The following NPAS3 variants were observed in gnomAD, a reference collection of about 807,000 sequenced individuals.
The protein encoded by NPAS3 is neuronal PAS domain-containing protein 3.
A neutral mutation model predicts 73.1 loss-of-function variants in NPAS3; 14 were observed. The ratio of observed to expected loss-of-function variants is 0.19; its 90% CI spans 0.13 to 0.30. The LOEUF (loss-of-function observed/expected upper bound fraction) is 0.30. Among genes scored for constraint, NPAS3 ranks in the 10% least tolerant of loss-of-function variants. NPAS3 has a pLI of 1.00. For synonymous variants in NPAS3, 620 were observed against 541.5 expected (o/e 1.14, Z -2.01); for missense variants, 1,096 against 1,250.0 (o/e 0.88, Z 1.86).
chr14:33,223,441 T>G (rs2047507465), intron 3 of NPAS3, among the ~76,000 whole-genome samples: 1 of 152,224 alleles, frequency 6.6e-6, no homozygotes, highest in Non-Finnish European at 1.5e-5. Flanking sequence ...GCCTTGGAGA[T>G]ATTTATAATT....
intron 6 of NPAS3, among the ~76,000 whole-genome samples, chr14:33,710,884 G>A (rs1041522455): frequency 6.6e-6 from 1 of 152,206 alleles, no homozygotes; most frequent in Non-Finnish European, 1.5e-5. Context: ...TACATGAGAA[G>A]TATGTAATTT....
intron 6 of NPAS3, among the ~76,000 whole-genome samples, chr14:33,732,524 G>C (rs529762841): frequency 1.3e-5 from 2 of 152,242 alleles, no homozygotes; most frequent in East Asian, 1.9e-4. Flanking sequence ...TATAATAAAC[G>C]TGGCTCCTTA....
At chr14:33,582,733 T>C (rs2139889124) in intron 5 of NPAS3, among the ~76,000 whole-genome samples, 1 of 152,310 alleles carries the variant, frequency 6.6e-6, no homozygotes, top group South Asian at 2.1e-4. Flanking sequence ...ATAAGTCATG[T>C]GACAGAAAAA....
chr14:33,062,220 C>G (rs2041129968), intron 2 of NPAS3, among the ~76,000 whole-genome samples: 1 of 150,270 alleles, frequency 6.7e-6, no homozygotes, highest in East Asian at 2.0e-4. Flanking sequence ...CTCTCCTCTT[C>G]TTTGTTTCAC....
chr14:33,304,247 T>G (rs1274485867), intron 3 of NPAS3, among the ~76,000 whole-genome samples: 2 of 152,232 alleles, frequency 1.3e-5, no homozygotes, highest in Non-Finnish European at 2.9e-5. Context: ...CTATTTGTAA[T>G]AGTCCATGCT....
intron 6 of NPAS3, among the ~76,000 whole-genome samples, chr14:33,710,010 A>T (rs1404645677): frequency 6.6e-6 from 1 of 152,206 alleles, no homozygotes; most frequent in Non-Finnish European, 1.5e-5. Flanking sequence ...CACCAGAGAG[A>T]TGTGTTTACA....
At chr14:33,583,056 A>G (rs893037401) in intron 5 of NPAS3, among the ~76,000 whole-genome samples, 1 of 145,874 alleles carries the variant, frequency 6.9e-6, no homozygotes, top group African/African-American at 2.7e-5. Flanking sequence ...CACTACAGAA[A>G]GCCCTAGTCT....
intron 4 of NPAS3, among the ~76,000 whole-genome samples, chr14:33,400,010 T>C (rs2047384129): frequency 6.6e-6 from 1 of 152,140 alleles, no homozygotes; most frequent in African/African-American, 2.4e-5. Flanking sequence ...CTAGCTGCTA[T>C]TATAATAATT....
chr14:33,753,071 T>C (rs567752140), intron 7 of NPAS3, among the ~76,000 whole-genome samples: 1 of 152,168 alleles, frequency 6.6e-6, no homozygotes, highest in Non-Finnish European at 1.5e-5. Flanking sequence ...TGATTCTTCT[T>C]AAAGAACAGT....
At chr14:33,799,538 C>G (rs868835353) in intron 11 of NPAS3, among the ~76,000 whole-genome samples, 196 bp from the exon 12 acceptor site, 2 of 152,170 alleles carry the variant, frequency 1.3e-5, no homozygotes, top group Admixed American at 1.3e-4. Context: ...ATCCAGCTAA[C>G]CCAGGCCCTC....
chr14:33,030,242 T>C (rs2039942912), intron 1 of NPAS3, among the ~76,000 whole-genome samples: 1 of 152,278 alleles, frequency 6.6e-6, no homozygotes, highest in South Asian at 2.1e-4. Flanking sequence ...AGTCCTGCTT[T>C]ATTAAGTTAT....
intron 4 of NPAS3, among the ~76,000 whole-genome samples, chr14:33,527,176 C>T (rs775313996): frequency 6.6e-6 from 1 of 152,122 alleles, no homozygotes; most frequent in Non-Finnish European, 1.5e-5. Context: ...CTTCCTTATC[C>T]ACTCTCCGTC....
Position 33,797,354 on chromosome 14 carries a change from C to A in NPAS3, c.1302-103C>A, listed in dbSNP as rs2063541508. 3.1e-6 allele frequency: 4 copies of A among 1,296,798 alleles called. No individual in the cohort carries two copies. The South Asian group carries it at 5.6e-5, about 18-fold the overall frequency. The allele number at this position is 1,296,798 out of a possible 1,614,324, so 80.3% of individuals were successfully genotyped here. ...TTTCATGTTTAGTCTTTGAAACTTT[C>A]TAAACTCCAGAAGTCTGGGACAAAG... is the stretch of plus-strand genomic sequence containing the variant. On this transcript the variant is annotated intron_variant, in intron 10 of 11. Transcript: ENST00000356141.
At chr14:33,126,790 C>T (rs2043443909) in intron 2 of NPAS3, among the ~76,000 whole-genome samples, 2 of 152,084 alleles carry the variant, frequency 1.3e-5, no homozygotes, top group South Asian at 4.1e-4. Context: ...AGCCAGACTC[C>T]ACTTACCACT....
At chr14:33,232,191 A>G (rs1333425519) in intron 3 of NPAS3, among the ~76,000 whole-genome samples, 1 of 152,200 alleles carries the variant, frequency 6.6e-6, no homozygotes, top group Non-Finnish European at 1.5e-5. Flanking sequence ...AAACTCCACA[A>G]GAAGAAAACA....
chr14:33,696,366 CT>C (rs2060379779), intron 6 of NPAS3, among the ~76,000 whole-genome samples: 1 of 152,196 alleles, frequency 6.6e-6, no homozygotes. Context: ...ACTTTAAACA[CT>C]TTGAGCCACT....
intron 2 of NPAS3, among the ~76,000 whole-genome samples, chr14:33,068,937 C>T (rs186447440): frequency 2.2e-4 from 34 of 152,152 alleles, no homozygotes; most frequent in Non-Finnish European, 2.6e-4. Flanking sequence ...CAACAGCACA[C>T]GGGATGCTGG....
intron 7 of NPAS3, among the ~76,000 whole-genome samples, chr14:33,773,900 G>A (rs1234864447): frequency 2.0e-5 from 3 of 152,178 alleles, no homozygotes; most frequent in Non-Finnish European, 4.4e-5. Flanking sequence ...ACCCCTGAAC[G>A]AAGGAGGGCT....
At chr14:33,717,230 CAA>C (rs35800734) in intron 6 of NPAS3, among the ~76,000 whole-genome samples, 2,616 of 102,176 alleles carry the variant, frequency 0.026, 62 homozygotes, top group African/African-American at 0.089. Flanking sequence ...TGATCATGGC[CAA>C]AAAAAAAAAA....
Sources: allele counts gnomAD v4.1 joint callset (sites outside exome capture counted in the v4.1 genomes callset), GRCh38; gene constraint gnomAD v4.1.1; transcripts MANE v1.5; gene names NCBI Gene and HGNC (gene_info 2026-07-23, HGNC 2026-07-21).